Variants in IQCJ observed in about 807,000 individuals in gnomAD.
IQCJ encodes the protein IQ domain-containing protein J.
Under a neutral mutation model 11.0 loss-of-function variants are expected in IQCJ, and 9 were observed. The ratio of observed to expected loss-of-function variants is 0.82; its 90% CI spans 0.49 to 1.43. The LOEUF (loss-of-function observed/expected upper bound fraction) is 1.43. Among genes scored for constraint, IQCJ ranks in the 40% most tolerant of loss-of-function variants. The pLI, the probability that IQCJ is intolerant of heterozygous loss-of-function variation, is 0.00. For synonymous variants in IQCJ, 55 were observed against 51.3 expected, an observed-to-expected ratio of 1.07 and a Z score of -0.31; for missense variants, 146 against 133.2, an observed-to-expected ratio of 1.10 and a Z score of -0.47.
In IQCJ at chr3:159,245,845, A is replaced by G. The variant is rs1284402258; in HGVS notation, c.12A>G (p.Glu4=). MRL[E]ELKRLQNPLE... is the part of the protein sequence containing the mutation. ...GATATATCTTCTCTTTTTCACAGGA[A>G]GAACTGAAAAGATTGCAGAATCCTC... The change falls in exon 2 of 4, where the codon GAA becomes GAG. Residue 4 remains glutamate (E), a splice_region_variant and synonymous_variant. Transcript: ENST00000397832. 6.5e-7 allele frequency: 1 copy of G among 1,545,158 alleles called. No homozygotes were observed. Among genetic ancestry groups the G allele is most frequent in the African/African-American group, 1.4e-5 (1 of 73,204 alleles).
intron 1 of IQCJ, among the ~76,000 whole-genome samples, chr3:159,217,029 G>A (rs1725275793): frequency 6.6e-6 from 1 of 152,056 alleles, no homozygotes; most frequent in African/African-American, 2.4e-5. Flanking sequence ...TAAAAAGTTT[G>A]AAATATTTCA....
At chr3:159,120,034 C>A (rs1227264910) in intron 1 of IQCJ, among the ~76,000 whole-genome samples, 2 of 152,150 alleles carry the variant, frequency 1.3e-5, no homozygotes, top group Admixed American at 6.5e-5. Context: ...AATATATTTA[C>A]TTGTTATATA....
At chr3:159,147,349 T>C (rs1255953203) in intron 1 of IQCJ, among the ~76,000 whole-genome samples, 1 of 152,202 alleles carries the variant, frequency 6.6e-6, no homozygotes, top group Non-Finnish European at 1.5e-5. Context: ...GCTGAGCACT[T>C]CCCTTTTCAA....
intron 1 of IQCJ, among the ~76,000 whole-genome samples, chr3:159,106,724 C>A (rs571633304): frequency 6.6e-6 from 1 of 152,226 alleles, no homozygotes; most frequent in East Asian, 1.9e-4. Flanking sequence ...TAGGGGCTCA[C>A]TTCCATAAGA....
intron 3 of IQCJ, among the ~76,000 whole-genome samples, chr3:159,254,279 C>T (rs1373389374): frequency 6.6e-6 from 1 of 152,118 alleles, no homozygotes; most frequent in Admixed American, 6.6e-5. Flanking sequence ...CAGTTCCCAT[C>T]ACCTTCAATA....
chr3:159,132,207 A>G (rs980639025), intron 1 of IQCJ, among the ~76,000 whole-genome samples: 1 of 152,202 alleles, frequency 6.6e-6, no homozygotes, highest in African/African-American at 2.4e-5. Context: ...TTTAAGATTT[A>G]GGCTCAGAAT....
At chr3:159,224,035 C>T (rs1426102504) in intron 1 of IQCJ, among the ~76,000 whole-genome samples, 1 of 151,136 alleles carries the variant, frequency 6.6e-6, no homozygotes, top group Non-Finnish European at 1.5e-5. Context: ...ATTTATACAC[C>T]CCAGATTATA....
At chr3:159,096,216 GT>G (rs1416640960) in intron 1 of IQCJ, among the ~76,000 whole-genome samples, 1 of 135,552 alleles carries the variant, frequency 7.4e-6, no homozygotes, top group African/African-American at 2.9e-5. Context: ...GGGGTTGTTT[GT>G]TTTTTTCTTG....
chr3:159,237,746 G>A (rs554686714), intron 1 of IQCJ, among the ~76,000 whole-genome samples: 10 of 152,266 alleles, frequency 6.6e-5, no homozygotes, highest in South Asian at 4.1e-4. Context: ...CCTGTTATTT[G>A]GTGAGTCTAA....
At chr3:159,265,158 T>C, downstream of IQCJ, 3 of 1,439,472 alleles carry the variant, frequency 2.1e-6, no homozygotes, top group Non-Finnish European at 2.9e-6. Context: ...GAAAACTTTA[T>C]ATGTAGTTGT....
At chr3:159,111,468 C>G (rs1718627698) in intron 1 of IQCJ, among the ~76,000 whole-genome samples, 1 of 152,138 alleles carries the variant, frequency 6.6e-6, no homozygotes, top group South Asian at 2.1e-4. Flanking sequence ...CTTGGGGTTA[C>G]ATGTGTGTTC....
chr3:159,246,546 C>T, intron 2 of IQCJ, among the ~76,000 whole-genome samples: 1 of 152,092 alleles, frequency 6.6e-6, no homozygotes, highest in East Asian at 1.9e-4. Flanking sequence ...GTTTGGTTGC[C>T]TCGAGAATCC....
At chr3:159,178,550 T>A (rs1246851227) in intron 1 of IQCJ, among the ~76,000 whole-genome samples, 2 of 152,228 alleles carry the variant, frequency 1.3e-5, no homozygotes, top group African/African-American at 4.8e-5. Flanking sequence ...CTTGAGCTTA[T>A]ACACATACAT....
chr3:159,144,804 T>C (rs893444824), intron 1 of IQCJ, among the ~76,000 whole-genome samples: 4 of 152,158 alleles, frequency 2.6e-5, no homozygotes, highest in Non-Finnish European at 4.4e-5. Context: ...AAAGCAATGA[T>C]TCATCATTAA....
intron 1 of IQCJ, among the ~76,000 whole-genome samples, chr3:159,109,069 A>G (rs77065456): frequency 6.6e-6 from 1 of 152,316 alleles, no homozygotes; most frequent in Non-Finnish European, 1.5e-5. Flanking sequence ...ACCAATGACA[A>G]GCCCTGAACT....
intron 1 of IQCJ, among the ~76,000 whole-genome samples, chr3:159,228,054 T>G (rs57088198): frequency 6.6e-6 from 1 of 152,242 alleles, no homozygotes; most frequent in South Asian, 2.1e-4. Flanking sequence ...TTCCATTCCA[T>G]GTTCTGTTCC....
At chr3:159,142,712 C>G (rs548152536) in intron 1 of IQCJ, among the ~76,000 whole-genome samples, 2 of 152,094 alleles carry the variant, frequency 1.3e-5, no homozygotes, top group East Asian at 3.9e-4. Flanking sequence ...GCCACCGTAC[C>G]CAGCCCGGGG....
chr3:159,148,017 G>A lies in IQCJ; in HGVS notation c.9+78576G>A, dbSNP rs115503430. 4.8e-3 allele frequency among the ~76,000 whole-genome samples: 738 copies of A among 152,346 alleles called. 2 individuals are homozygous for A. The highest frequency in any genetic ancestry group is 0.017 in the African/African-American group (697 of 41,582). Reference sequence around the variant, plus strand: ...ATGCAAATCCTTGGGCCCCACCCCAGAACTGCTGAATCAGAATCTCTAGGG... The same window carrying A: ...ATGCAAATCCTTGGGCCCCACCCCAAAACTGCTGAATCAGAATCTCTAGGG... On this transcript the variant is annotated intron_variant, in intron 1 of 3. Transcript: ENST00000397832.
At chr3:159,123,073 T>A (rs1400360357) in intron 1 of IQCJ, among the ~76,000 whole-genome samples, 1 of 152,182 alleles carries the variant, frequency 6.6e-6, no homozygotes, top group Non-Finnish European at 1.5e-5. Context: ...AAATTTTAAA[T>A]GTGACAGGCA....
Sources: gnomAD v4.1 joint callset for allele counts (sites outside exome capture counted in the v4.1 genomes callset) on GRCh38, gnomAD v4.1.1 for gene constraint, MANE v1.5 for transcripts, NCBI Gene and HGNC (gene_info 2026-07-23, HGNC 2026-07-21) for gene names.